RRN3: variants seen among roughly 807,000 people sequenced by gnomAD.
RRN3 encodes RNA polymerase I transcription factor RRN3.
RRN3 carries 38 observed loss-of-function variants against 82.3 expected under a neutral mutation model. The ratio of observed to expected loss-of-function variants is 0.46; its 90% CI spans 0.36 to 0.61. The LOEUF is 0.61. RRN3 is among the 20% of genes least tolerant of loss of function. The pLI is 0.00. For missense variants in RRN3, 726 were observed against 793.1 expected, an observed-to-expected ratio of 0.92 and a Z score of 1.02; for synonymous variants, 284 against 284.3, an observed-to-expected ratio of 1.00 and a Z score of 0.01.
chr16:15,063,527 T>C (rs935628850), intron 16 of RRN3, among the ~76,000 whole-genome samples: 1 of 151,568 alleles, frequency 6.6e-6, no homozygotes, highest in Non-Finnish European at 1.5e-5. Context: ...GCTAACACGG[T>C]GAAACCCCAT....
In RRN3 at chr16:15,073,049, T is replaced by C. The variant is rs747335711; in HGVS notation, c.1029A>G (p.Leu343=). ...GKVDNGKTKD[L]YRDLINIFDK... is the part of the protein sequence containing the mutation. ...CAAAGATGTTTATCAGGTCGCGATA[T>C]AGATCCTTTGTTTTGCCGTTATCAA... The change falls in exon 12 of 18, where the codon CTA becomes CTG. Residue 343 remains leucine, a synonymous_variant. Transcript: ENST00000198767. 3.2e-5 allele frequency: 52 copies of C among 1,612,702 alleles called. 1 individual carries two copies. In the East Asian group the frequency reaches 3.3e-4, roughly 10 times the overall value.
intron 2 of RRN3, among the ~76,000 whole-genome samples, chr16:15,091,889 A>G (rs991035037): frequency 2.0e-5 from 3 of 152,142 alleles, no homozygotes; most frequent in African/African-American, 7.2e-5. Context: ...AAAAAATAAA[A>G]TGCTGTAGGC....
intron 3 of RRN3, among the ~76,000 whole-genome samples, chr16:15,088,022 G>C (rs1017241011): frequency 6.6e-6 from 1 of 152,022 alleles, no homozygotes; most frequent in Admixed American, 6.6e-5. Flanking sequence ...GCTGAGGCAG[G>C]AGAATTGCTT....
rs773049060 is a variant in RRN3 at position 15,068,156 on chromosome 16, G to A, written c.1553+13C>T. ...TTTAAATAACTCCCATCAAGAAAGC[G>A]TAAATAACTTACTTTGTGATTGCAG... On this transcript the variant is annotated intron_variant, in intron 15 of 17. Transcript: ENST00000198767. 2.8e-5 allele frequency: 43 copies of A among 1,523,246 alleles called. No individual in the cohort carries two copies. Among genetic ancestry groups the A allele is most frequent in the African/African-American group, 1.7e-4 (12 of 70,578 alleles). 94.4% of individuals were successfully genotyped at this position (1,523,246 alleles called of 1,614,324 possible).
intron 10 of RRN3, 41 bp from the exon 11 acceptor site, chr16:15,074,902 A>T (rs376075011): frequency 6.4e-7 from 1 of 1,570,788 alleles, no homozygotes; most frequent in Admixed American, 1.8e-5. Flanking sequence ...AAAAAATTCA[A>T]TGTCAAAGTG....
intron 16 of RRN3, among the ~76,000 whole-genome samples, chr16:15,063,493 G>C (rs1386969788): frequency 6.6e-6 from 1 of 152,010 alleles, no homozygotes; most frequent in Non-Finnish European, 1.5e-5. Context: ...CAGATCATGA[G>C]GTCAGGAGAT....
At chr16:15,090,589 A>G (rs1229494337) in intron 3 of RRN3, among the ~76,000 whole-genome samples, 3 of 152,266 alleles carry the variant, frequency 2.0e-5, no homozygotes, top group Non-Finnish European at 4.4e-5. Context: ...CAGCAAGACC[A>G]CATCTCTTAA....
intron 14 of RRN3, among the ~76,000 whole-genome samples, chr16:15,069,843 TA>T: frequency 6.6e-6 from 1 of 152,320 alleles, no homozygotes; most frequent in African/African-American, 2.4e-5. Context: ...ACCTCTTTCT[TA>T]ACCTCAAATC....
At chr16:15,092,730 G>C in intron 1 of RRN3, 116 bp from the exon 2 acceptor site, 1 of 690,256 alleles carries the variant, frequency 1.4e-6, no homozygotes, top group Admixed American at 2.6e-5. Context: ...CTCTTTACTG[G>C]TCTCCCTGCT....
upstream of RRN3, chr16:15,094,293 A>C: frequency 4.3e-6 from 6 of 1,395,854 alleles, no homozygotes; most frequent in Non-Finnish European, 4.9e-6. Flanking sequence ...TTCCAGCCAC[A>C]GCCTCTGTCC....
chr16:15,077,665 C>T (rs1055048375), intron 9 of RRN3, among the ~76,000 whole-genome samples: 1 of 152,140 alleles, frequency 6.6e-6, no homozygotes, highest in Non-Finnish European at 1.5e-5. Context: ...CACGGTGAAA[C>T]CCCATCTCTA....
chr16:15,086,557 A>C (rs2151815616), intron 3 of RRN3, 103 bp from the exon 4 acceptor site: 1 of 1,503,172 alleles, frequency 6.7e-7, no homozygotes, highest in African/African-American at 1.4e-5. Context: ...GGTTGGGGGG[A>C]AAAGGTCACA....
Position 15,087,431 on chromosome 16 carries a change from G to A in RRN3, c.253-977C>T, listed in dbSNP as rs971016881. Among the ~76,000 whole-genome samples the A allele has an allele frequency of 5.9e-5, 9 of 152,286 alleles. No individual in the cohort carries two copies. The South Asian group carries it at 6.2e-4, about 11-fold the overall frequency. ...CCAGTAAAGAAGCAGGTCCAAACCC[G>A]TCTGTCTCGGTCAAGGCTATCCTCT... On this transcript the variant is annotated intron_variant, in intron 3 of 17. Transcript: ENST00000198767.
chr16:15,094,275 C>G (rs1192468541), upstream of RRN3: 3 of 1,427,874 alleles, frequency 2.1e-6, no homozygotes, highest in Admixed American at 2.0e-5. Flanking sequence ...GGCCGGATGC[C>G]CAGCTCCTTC....
rs372708946 is a variant in RRN3 at position 15,065,323 on chromosome 16, G to A, written c.1602C>T (p.Arg534=). 11 of 1,613,658 alleles carry A rather than the reference G, an allele frequency of 6.8e-6. No homozygotes were observed. The African/African-American group carries it at 1.1e-4, about 16-fold the overall frequency. Residue 534 remains arginine (R), a synonymous_variant, in exon 16 of 18, where the codon CGC becomes CGT. Transcript: ENST00000198767. ...FCYTIIERNN[R]QMLPVIRSTA... ...TACTCCTAATGACTGGCAGCATCTGGCGATTGTTCCTCTCAATGATGGTGT... is the reference window on the plus strand; with the variant it reads ...TACTCCTAATGACTGGCAGCATCTGACGATTGTTCCTCTCAATGATGGTGT...
intron 3 of RRN3, 46 bp from the exon 4 acceptor site, chr16:15,086,500 A>T: frequency 6.2e-7 from 1 of 1,607,412 alleles, no homozygotes; most frequent in South Asian, 1.1e-5. Context: ...ATCCTCTAAC[A>T]TAACAGAAAT....
chr16:15,064,863 A>G (rs528685541), intron 16 of RRN3, among the ~76,000 whole-genome samples: 5 of 152,306 alleles, frequency 3.3e-5, no homozygotes, highest in Admixed American at 3.3e-4. Context: ...GCAAACATGT[A>G]TCACGTTTAA....
chr16:15,065,181 A>T (rs573488753), intron 16 of RRN3, 38 bp downstream of exon 16: 7 of 1,551,334 alleles, frequency 4.5e-6, no homozygotes, highest in Non-Finnish European at 5.2e-6. Flanking sequence ...AAAAAAAAAA[A>T]TCCACCTCCT....
chr16:15,074,258 G>A (rs1200968646), intron 11 of RRN3, among the ~76,000 whole-genome samples: 1 of 152,152 alleles, frequency 6.6e-6, no homozygotes, highest in African/African-American at 2.4e-5. Flanking sequence ...TCTTAGCAAT[G>A]TGAATGGAAA....
Sources: allele counts gnomAD v4.1 joint callset (sites outside exome capture counted in the v4.1 genomes callset), GRCh38; gene constraint gnomAD v4.1.1; transcripts MANE v1.5; gene names NCBI Gene and HGNC (gene_info 2026-07-23, HGNC 2026-07-21).